Variants in CDYL2 observed in about 807,000 individuals in gnomAD.
CDYL2 encodes the protein chromodomain Y like 2, also known as chromodomain Y-like protein 2.
CDYL2 carries 23 observed loss-of-function variants against 49.4 expected under a neutral mutation model. That is an observed-to-expected ratio of 0.47 (90% CI 0.34 to 0.66). CDYL2 has a LOEUF of 0.66. Among genes scored for constraint, CDYL2 ranks in the 30% least tolerant of loss-of-function variants. The pLI is 0.01. For missense variants in CDYL2, 678 were observed against 656.4 expected (o/e 1.03, Z -0.36); for synonymous variants, 360 against 268.8 (o/e 1.34, Z -3.32).
At chr16:80,641,791 A>C (rs1211649068) in intron 2 of CDYL2, among the ~76,000 whole-genome samples, 1 of 151,446 alleles carries the variant, frequency 6.6e-6, no homozygotes, top group Non-Finnish European at 1.5e-5. Flanking sequence ...AGATATACCT[A>C]ACGCTAAATG....
At chr16:80,652,829 G>A (rs890767533) in intron 2 of CDYL2, among the ~76,000 whole-genome samples, 1 of 152,008 alleles carries the variant, frequency 6.6e-6, no homozygotes, top group Non-Finnish European at 1.5e-5. Flanking sequence ...CCCAACTGAG[G>A]GACATTCTAC....
intron 1 of CDYL2, among the ~76,000 whole-genome samples, chr16:80,792,855 T>A (rs1309593841): frequency 1.3e-5 from 2 of 152,112 alleles, no homozygotes; most frequent in Non-Finnish European, 2.9e-5. Context: ...CCCAAGTCTA[T>A]ACCCCTTCCC....
At chr16:80,661,962 G>T (rs376969575) in intron 2 of CDYL2, among the ~76,000 whole-genome samples, 1 of 152,066 alleles carries the variant, frequency 6.6e-6, no homozygotes, top group Non-Finnish European at 1.5e-5. Flanking sequence ...CAATCAGGTG[G>T]GGGAACTCAC....
At chr16:80,610,637 G>C (rs993005655) in intron 5 of CDYL2, among the ~76,000 whole-genome samples, 15 of 152,230 alleles carry the variant, frequency 9.9e-5, no homozygotes, top group Non-Finnish European at 2.1e-4. Context: ...ACAGAGTTTA[G>C]TCACTGGCAT....
At chr16:80,652,736 T>C (rs1206429538) in intron 2 of CDYL2, among the ~76,000 whole-genome samples, 1 of 152,200 alleles carries the variant, frequency 6.6e-6, no homozygotes, top group African/African-American at 2.4e-5. Context: ...TAGGATGTGA[T>C]GAGAATGGCA....
chr16:80,651,795 T>G (rs1025698279), intron 2 of CDYL2, among the ~76,000 whole-genome samples: 8 of 152,186 alleles, frequency 5.3e-5, no homozygotes, highest in African/African-American at 1.7e-4. Context: ...TGTACTCCAG[T>G]TGAAAAAGTT....
chr16:80,707,529 T>G (rs1904447169), intron 1 of CDYL2, among the ~76,000 whole-genome samples: 1 of 152,132 alleles, frequency 6.6e-6, no homozygotes, highest in Non-Finnish European at 1.5e-5. Context: ...TCAAGATCCT[T>G]CCAGAGGGCT....
intron 4 of CDYL2, among the ~76,000 whole-genome samples, chr16:80,618,053 G>T (rs925729053): frequency 6.6e-6 from 1 of 152,160 alleles, no homozygotes; most frequent in Non-Finnish European, 1.5e-5. Context: ...TGGTCCAGGG[G>T]ACATCTCCTT....
chr16:80,804,008 T>A (rs1373285311), intron 1 of CDYL2, 142 bp downstream of exon 1: 4 of 329,106 alleles, frequency 1.2e-5, no homozygotes, highest in Non-Finnish European at 1.6e-5. Flanking sequence ...CCCGCCACCC[T>A]CCGGCCGCCG....
chr16:80,676,097 G>C (rs1260472960), intron 2 of CDYL2, among the ~76,000 whole-genome samples: 1 of 152,128 alleles, frequency 6.6e-6, no homozygotes, highest in Admixed American at 6.5e-5. Context: ...CCTGGTTAAA[G>C]AGTCGGATTT....
At chr16:80,789,773 A>G (rs1365733018) in intron 1 of CDYL2, among the ~76,000 whole-genome samples, 1 of 152,250 alleles carries the variant, frequency 6.6e-6, no homozygotes, top group Admixed American at 6.5e-5. Flanking sequence ...ACATGGATAG[A>G]GCTGAAGGCC....
At chr16:80,725,121 AT>A (rs774575035) in intron 1 of CDYL2, among the ~76,000 whole-genome samples, 38 of 152,160 alleles carry the variant, frequency 2.5e-4, no homozygotes, top group Non-Finnish European at 4.4e-4. Context: ...CTTGGTGGGC[AT>A]TGTTCCCTTT....
chr16:80,644,992 G>A (rs1290589984), intron 2 of CDYL2, among the ~76,000 whole-genome samples: 1 of 152,086 alleles, frequency 6.6e-6, no homozygotes, highest in African/African-American at 2.4e-5. Context: ...ATTAATTCAA[G>A]ATGGATTAAA....
At chr16:80,702,455 G>T (rs117391282) in intron 1 of CDYL2, among the ~76,000 whole-genome samples, 1 of 152,126 alleles carries the variant, frequency 6.6e-6, no homozygotes, top group African/African-American at 2.4e-5. Context: ...AATATCATTA[G>T]GAAAAGCAGA....
intron 2 of CDYL2, among the ~76,000 whole-genome samples, chr16:80,641,937 G>C (rs367844586): frequency 6.6e-6 from 1 of 151,550 alleles, no homozygotes; most frequent in East Asian, 1.9e-4. Context: ...ATCATCTGAA[G>C]GCATAAAACC....
rs938246941 is a variant in CDYL2, at chr16:80,795,501, A to T, written c.24+8649T>A. 9.8e-5 allele frequency among the ~76,000 whole-genome samples: 15 copies of T among 152,322 alleles called. 1 individual carries two copies. The South Asian group carries it at 3.1e-3, about 32-fold the overall frequency. On this transcript the variant is annotated intron_variant, in intron 1 of 6. Transcript: ENST00000570137. ...CTGGAGTGGTGTGACCTTTGGAGGTAGCAGCTTCTACTCGCTGGCTAAGGC... is the reference window on the plus strand; with the variant it reads ...CTGGAGTGGTGTGACCTTTGGAGGTTGCAGCTTCTACTCGCTGGCTAAGGC...
chr16:80,608,750 G>T (rs1254454514), intron 5 of CDYL2, among the ~76,000 whole-genome samples: 1 of 152,130 alleles, frequency 6.6e-6, no homozygotes, highest in Non-Finnish European at 1.5e-5. Flanking sequence ...CTGTGTCCCG[G>T]CCTGTGGAGA....
At chr16:80,785,188 T>C (rs187154672) in intron 1 of CDYL2, among the ~76,000 whole-genome samples, 83 of 152,294 alleles carry the variant, frequency 5.4e-4, no homozygotes, top group African/African-American at 1.6e-3. Flanking sequence ...TGTTTGCAGA[T>C]GACATGATTG....
rs545600653 is a variant in CDYL2 at position 80,645,375 on chromosome 16, T to C, written c.617-12139A>G. Among the ~76,000 whole-genome samples, 62 of 152,100 alleles carry C rather than the reference T, an allele frequency of 4.1e-4. 1 individual carries two copies. The East Asian group carries it at 6.6e-3, about 16-fold the overall frequency. On this transcript the variant is annotated intron_variant, in intron 2 of 6. Transcript: ENST00000570137. ...AAGACATTTATGCAGCCAAAAGACATATGAAAAAATGCTCATCATCACTGG... is the reference window on the plus strand; with the variant it reads ...AAGACATTTATGCAGCCAAAAGACACATGAAAAAATGCTCATCATCACTGG...
Sources: gnomAD v4.1 joint callset for allele counts (sites outside exome capture counted in the v4.1 genomes callset) on GRCh38, gnomAD v4.1.1 for gene constraint, MANE v1.5 for transcripts, NCBI Gene and HGNC (gene_info 2026-07-23, HGNC 2026-07-21) for gene names.